The following MAGI1 variants were observed in gnomAD, a reference collection of about 807,000 sequenced individuals.
The protein encoded by MAGI1 is membrane associated guanylate kinase, WW and PDZ domain containing 1, also known as membrane-associated guanylate kinase, WW and PDZ domain-containing protein 1.
A neutral mutation model predicts 139.9 loss-of-function variants in MAGI1; 58 were observed. The ratio of observed to expected loss-of-function variants is 0.41; its 90% CI spans 0.34 to 0.52. The LOEUF (loss-of-function observed/expected upper bound fraction) is 0.52, where lower values mean the gene tolerates loss of function less well. Among genes scored for constraint, MAGI1 ranks in the 20% least tolerant of loss-of-function variants. MAGI1 has a pLI of 0.12. For missense variants in MAGI1, 1,874 were observed against 1,901.6 expected (o/e 0.99, Z 0.27); for synonymous variants, 812 against 737.9 (o/e 1.10, Z -1.63).
At chr3:65,596,416 T>C (rs2082200746) in intron 2 of MAGI1, among the ~76,000 whole-genome samples, 1 of 152,196 alleles carries the variant, frequency 6.6e-6, no homozygotes, top group Admixed American at 6.5e-5. Context: ...CAGCAAGGGT[T>C]ATTTGGCTAG....
intron 1 of MAGI1, among the ~76,000 whole-genome samples, chr3:65,768,376 C>G (rs539729316): frequency 6.6e-6 from 1 of 151,920 alleles, no homozygotes; most frequent in South Asian, 2.1e-4. Context: ...GCCAAGATCA[C>G]GCCACTGGAC....
At chr3:65,642,441 C>CCA (rs2085031962) in intron 1 of MAGI1, among the ~76,000 whole-genome samples, 1 of 152,148 alleles carries the variant, frequency 6.6e-6, no homozygotes, top group Non-Finnish European at 1.5e-5. Flanking sequence ...TTTACATCAG[C>CCA]AAACCAAAAA....
At chr3:65,830,392 G>A (rs1484700008) in intron 1 of MAGI1, among the ~76,000 whole-genome samples, 1 of 151,850 alleles carries the variant, frequency 6.6e-6, no homozygotes, top group Non-Finnish European at 1.5e-5. Flanking sequence ...AAAGACATGG[G>A]GTAGCTATAG....
At chr3:65,458,755 T>C (rs2107524995) in intron 5 of MAGI1, among the ~76,000 whole-genome samples, 1 of 152,322 alleles carries the variant, frequency 6.6e-6, no homozygotes, top group East Asian at 1.9e-4. Flanking sequence ...TCCCATTCTG[T>C]GGGTTGTCTC....
intron 2 of MAGI1, among the ~76,000 whole-genome samples, chr3:65,586,769 A>ATTT (rs5849680): frequency 6.8e-6 from 1 of 147,884 alleles, no homozygotes; most frequent in African/African-American, 2.5e-5. Context: ...CAAGTAACAG[A>ATTT]TTTTTTTTTT....
chr3:65,730,887 C>G (rs767710662), intron 1 of MAGI1, among the ~76,000 whole-genome samples: 1 of 150,584 alleles, frequency 6.6e-6, no homozygotes, highest in East Asian at 1.9e-4. Flanking sequence ...TTGTCTAACT[C>G]TCCCCACCCC....
intron 1 of MAGI1, among the ~76,000 whole-genome samples, chr3:65,767,664 T>C (rs1482133120): frequency 1.3e-5 from 2 of 152,198 alleles, no homozygotes; most frequent in Admixed American, 1.3e-4. Flanking sequence ...ACTGATCTCC[T>C]GCACTAGGCC....
chr3:65,415,584 A>C (rs1233998639), intron 12 of MAGI1, among the ~76,000 whole-genome samples: 1 of 152,236 alleles, frequency 6.6e-6, no homozygotes, highest in Non-Finnish European at 1.5e-5. Context: ...GGAGATGCAG[A>C]GGCAACACTA....
intron 1 of MAGI1, among the ~76,000 whole-genome samples, chr3:65,718,065 T>G (rs764329481): frequency 6.6e-6 from 1 of 152,178 alleles, no homozygotes; most frequent in East Asian, 1.9e-4. Flanking sequence ...GAAATCCCTG[T>G]ACCTACACTC....
intron 1 of MAGI1, among the ~76,000 whole-genome samples, chr3:65,700,398 A>C (rs1342307458): frequency 6.6e-6 from 1 of 152,120 alleles, no homozygotes; most frequent in African/African-American, 2.4e-5. Context: ...CAATGAGTGG[A>C]GATCACACCA....
At chr3:65,441,430 T>G (rs1948318550) in intron 8 of MAGI1, among the ~76,000 whole-genome samples, 1 of 152,204 alleles carries the variant, frequency 6.6e-6, no homozygotes, top group Admixed American at 6.5e-5. Context: ...CCTACATGTT[T>G]ATTTCCTAAT....
chr3:65,839,367 T>C (rs2058730984), intron 1 of MAGI1, among the ~76,000 whole-genome samples: 2 of 152,270 alleles, frequency 1.3e-5, no homozygotes, highest in African/African-American at 2.4e-5. Flanking sequence ...ATTTATTATA[T>C]TATACTTTAT....
At position 65,601,055 on chromosome 3, in the gene MAGI1, G is replaced by C. The variant is rs376874364; in HGVS notation, c.430+20917C>G. ...GGGTGAATAGAGGGCATGGTACTTA[G>C]ATCTGAGTTCCCGGCACAGAGAAAG... is the stretch of plus-strand genomic sequence containing the variant. On this transcript the variant is annotated intron_variant, in intron 2 of 22. Coordinates refer to ENST00000402939, the MANE Select transcript of MAGI1 (RefSeq NM_001033057.2). Among the ~76,000 whole-genome samples, 7 of 152,200 alleles carry C rather than the reference G, an allele frequency of 4.6e-5. No individual in the cohort carries two copies. The East Asian group carries it at 9.6e-4, about 21-fold the overall frequency.
chr3:65,379,384 C>G lies in MAGI1; in HGVS notation c.2872G>C (p.Gly958Arg). 6.2e-7 allele frequency: 1 copy of G among 1,612,640 alleles called. No individual in the cohort carries two copies. The highest frequency in any genetic ancestry group is 8.5e-7 in the Non-Finnish European group (1 of 1,179,190). Residue 958 changes from glycine to arginine, a missense_variant, in exon 17 of 23, where the codon GGC becomes CGC. Physicochemically the swap from Gly to Arg is moderately radical, Grantham distance 125. This residue lies in a region of MAGI1 where 482 missense variants were observed against 509.6 expected (regional missense o/e 0.95). Transcript: ENST00000402939. ...ACCACGGTGCTGACCACGCCGCTGCCCCCGCCGCCGCCACTGCCGATGCCG... is the reference window on the plus strand; with the variant it reads ...ACCACGGTGCTGACCACGCCGCTGCGCCCGCCGCCGCCACTGCCGATGCCG... ...TSGIGSGGGG[G>R]SGVVSTVVQP...
In MAGI1 at chr3:66,002,207, A is replaced by G. The variant is rs180745141; in HGVS notation, c.313+35789T>C. ...GCATTTTAAATTCGCATTTTCAGAAACACTGGGCAAATTTGCAGAAAAGAA... is the reference window on the plus strand; with the variant it reads ...GCATTTTAAATTCGCATTTTCAGAAGCACTGGGCAAATTTGCAGAAAAGAA... On this transcript the variant is annotated intron_variant, in intron 1 of 22. Transcript: ENST00000402939. Among the ~76,000 whole-genome samples, 615 of 152,330 alleles carry G rather than the reference A, an allele frequency of 4.0e-3. 3 individuals carry two copies. Among genetic ancestry groups the G allele is most frequent in the African/African-American group, 0.014 (574 of 41,580 alleles).
intron 1 of MAGI1, among the ~76,000 whole-genome samples, chr3:65,917,333 C>G (rs1576029840): frequency 6.6e-6 from 1 of 152,218 alleles, no homozygotes; most frequent in East Asian, 1.9e-4. Context: ...AACAGGAACT[C>G]TCACTCACTG....
At chr3:65,606,294 G>A (rs1289831779) in intron 2 of MAGI1, among the ~76,000 whole-genome samples, 1 of 152,010 alleles carries the variant, frequency 6.6e-6, no homozygotes, top group Non-Finnish European at 1.5e-5. Flanking sequence ...GCCTCTCAGT[G>A]CCCTGAAGGT....
At chr3:65,577,001 G>C (rs1371580889) in intron 2 of MAGI1, among the ~76,000 whole-genome samples, 2 of 152,188 alleles carry the variant, frequency 1.3e-5, no homozygotes, top group African/African-American at 2.4e-5. Context: ...ACAAATAGCT[G>C]TAAGTAAATA....
chr3:65,980,471 G>A (rs935763114), intron 1 of MAGI1, among the ~76,000 whole-genome samples: 5 of 151,250 alleles, frequency 3.3e-5, no homozygotes, highest in Admixed American at 6.6e-5. Context: ...GCTGAGGCAG[G>A]AGAATCGCTT....
Sources: allele counts gnomAD v4.1 joint callset (sites outside exome capture counted in the v4.1 genomes callset), GRCh38; gene constraint gnomAD v4.1.1; regional missense constraint gnomAD v4.1.1; transcripts MANE v1.5; gene names NCBI Gene and HGNC (gene_info 2026-07-23, HGNC 2026-07-21).